The following MBP variants were observed in gnomAD, a reference collection of about 807,000 sequenced individuals.
MBP encodes the protein myelin basic protein.
Under a neutral mutation model 35.8 loss-of-function variants are expected in MBP, and 16 were observed. The ratio of observed to expected loss-of-function variants is 0.45; its 90% confidence interval spans 0.30 to 0.68. The LOEUF is 0.68. MBP is among the 30% of genes least tolerant of loss of function. The pLI, the probability that MBP is intolerant of heterozygous loss-of-function variation, is 0.08. For missense variants in MBP, 380 were observed against 404.7 expected, an observed-to-expected ratio of 0.94 and a Z score of 0.52; for synonymous variants, 143 against 159.6, an observed-to-expected ratio of 0.90 and a Z score of 0.78.
chr18:77,050,284 G>A (rs1440391559), intron 3 of MBP, among the ~76,000 whole-genome samples: 1 of 152,152 alleles, frequency 6.6e-6, no homozygotes, highest in Non-Finnish European at 1.5e-5. Context: ...TGACTGAGGC[G>A]CTTACTGGAG....
At chr18:76,992,535 G>A (rs1969994145) in intron 4 of MBP, among the ~76,000 whole-genome samples, 1 of 152,184 alleles carries the variant, frequency 6.6e-6, no homozygotes, top group East Asian at 1.9e-4. Flanking sequence ...CTCCCCTGCT[G>A]CCTGTGAGGC....
rs56844180 is a variant in MBP, at chr18:77,131,025, CAA to C, written c.-26+1553_-26+1554del. 1.8e-3 allele frequency among the ~76,000 whole-genome samples: 236 copies of C among 130,108 alleles called. 3 individuals carry two copies. Among genetic ancestry groups the C allele is most frequent in the South Asian group, 8.2e-3 (33 of 4,014 alleles). 85.4% of individuals were successfully genotyped at this position (130,108 alleles called of 152,430 possible). A position where few individuals can be genotyped will look rare whatever the true frequency, so the allele number is the denominator to read the frequency against. ...TTCCCTCAGATTTCTGTTTTTCCCACAAAAAAAAAAAAAAAACAAAACCTCAA... is the reference window on the plus strand; with the variant it reads ...TTCCCTCAGATTTCTGTTTTTCCCACAAAAAAAAAAAAAACAAAACCTCAA... On this transcript the variant is annotated intron_variant, in intron 1 of 8. Transcript: ENST00000355994. The surrounding 1 kb of genome is among the most constrained non-coding windows in gnomAD (Gnocchi z 5.5).
At chr18:77,091,783 A>T (rs549758949) in intron 2 of MBP, among the ~76,000 whole-genome samples, 2 of 152,076 alleles carry the variant, frequency 1.3e-5, no homozygotes, top group South Asian at 4.2e-4. Flanking sequence ...CACACCACAC[A>T]CACATCCTCA....
At chr18:77,078,394 A>C (rs1051221442) in intron 2 of MBP, among the ~76,000 whole-genome samples, 14 of 152,196 alleles carry the variant, frequency 9.2e-5, no homozygotes, top group Non-Finnish European at 1.8e-4. Context: ...GAATGAAGGA[A>C]GTTTTTAATA....
chr18:77,029,196 G>C (rs1473726837), intron 3 of MBP, among the ~76,000 whole-genome samples: 2 of 139,870 alleles, frequency 1.4e-5, no homozygotes, highest in Middle Eastern at 3.3e-3. Context: ...ATCACTCGCG[G>C]TTAGGAGCTG....
At chr18:77,059,763 AAG>A (rs1973889582) in intron 3 of MBP, among the ~76,000 whole-genome samples, 1 of 152,168 alleles carries the variant, frequency 6.6e-6, no homozygotes, top group Non-Finnish European at 1.5e-5. Context: ...CAGCACAGAT[AAG>A]AGATGCACCG....
At chr18:77,132,298 C>A (rs1174936102) in intron 1 of MBP, among the ~76,000 whole-genome samples, 1 of 152,174 alleles carries the variant, frequency 6.6e-6, no homozygotes, top group African/African-American at 2.4e-5. Flanking sequence ...CCAGCCCCCG[C>A]GCAATGGGGA....
At chr18:77,098,959 C>A (rs1290307366) in intron 2 of MBP, among the ~76,000 whole-genome samples, 1 of 150,042 alleles carries the variant, frequency 6.7e-6, no homozygotes, top group Admixed American at 6.7e-5. Flanking sequence ...ACTCCTCCTT[C>A]CCCCTCCCTC....
In MBP at chr18:77,098,168, C is replaced by CTTTTTTTTTTTTTTT. The variant is rs3214873; in HGVS notation, c.51+7028_51+7042dup. Among the ~76,000 whole-genome samples the CTTTTTTTTTTTTTTT allele has an allele frequency of 3.0e-3, 322 of 108,480 alleles. 9 individuals carry two copies. Among genetic ancestry groups the CTTTTTTTTTTTTTTT allele is most frequent in the African/African-American group, 6.5e-3 (190 of 29,320 alleles). 71.2% of individuals were successfully genotyped at this position (108,480 alleles called of 152,430 possible). ...TTCTGAGGACAGACACAAGGACTTC[C>CTTTTTTTTTTTTTTT]TTTTTTTTTTTTTTTTTTTTTACAA... On this transcript the variant is annotated intron_variant, in intron 2 of 8. Coordinates refer to ENST00000355994, the MANE Select transcript of MBP (RefSeq NM_001025101.2).
In MBP at chr18:77,013,437, G is replaced by A. The variant is rs1971457697; in HGVS notation, c.576+3395C>T. 6.1e-6 allele frequency: 6 copies of A among 985,092 alleles called. No homozygotes were observed. The African/African-American group carries it at 8.7e-5, about 14-fold the overall frequency. 61.0% of individuals were successfully genotyped at this position (985,092 alleles called of 1,614,324 possible). On this transcript the variant is annotated intron_variant, in intron 4 of 8. Transcript: ENST00000355994. The stretch of plus-strand genomic sequence containing the variant: ...CACAGCTACAGAATTAGGATCTCAT[G>A]GTAACAATGAGGAATTAGGTTACTG...
chr18:77,089,255 C>A (rs908350344), intron 2 of MBP, among the ~76,000 whole-genome samples: 1 of 152,242 alleles, frequency 6.6e-6, no homozygotes, highest in Non-Finnish European at 1.5e-5. Flanking sequence ...CTCCCTCGGG[C>A]TGTGAGTGAC....
At chr18:77,083,081 C>T (rs1017748838) in intron 2 of MBP, among the ~76,000 whole-genome samples, 1 of 151,906 alleles carries the variant, frequency 6.6e-6, no homozygotes, top group African/African-American at 2.4e-5. Flanking sequence ...TTGAACGATT[C>T]TCATGCCTCA....
intron 3 of MBP, among the ~76,000 whole-genome samples, chr18:77,034,967 T>C (rs1972698243): frequency 6.6e-6 from 1 of 152,234 alleles, no homozygotes; most frequent in South Asian, 2.1e-4. Flanking sequence ...CACTGCTCCG[T>C]GGCTAAACTG....
intron 2 of MBP, among the ~76,000 whole-genome samples, chr18:77,066,889 G>T (rs1256787917): frequency 2.0e-5 from 3 of 152,226 alleles, no homozygotes; most frequent in Non-Finnish European, 4.4e-5. Flanking sequence ...GGAGGAAGCG[G>T]CCTGTTGTGG....
intron 3 of MBP, among the ~76,000 whole-genome samples, chr18:77,065,455 G>T (rs901852637): frequency 2.0e-5 from 3 of 152,144 alleles, no homozygotes; most frequent in Non-Finnish European, 4.4e-5. Context: ...AATTTAGGGG[G>T]TTAAGCTTCC....
intron 4 of MBP, chr18:77,014,835 C>A (rs1487350779): frequency 3.0e-6 from 3 of 985,236 alleles, no homozygotes; most frequent in Non-Finnish European, 3.6e-6. Flanking sequence ...CATCAAAGGG[C>A]AAGCCTGTTC....
intron 1 of MBP, among the ~76,000 whole-genome samples, chr18:77,108,051 C>T (rs970011432): frequency 3.9e-5 from 6 of 152,176 alleles, no homozygotes; most frequent in Admixed American, 6.5e-5. Context: ...TGAGACGTGT[C>T]TCAAGGAACT....
At chr18:77,038,951 G>A (rs1258440215) in intron 3 of MBP, among the ~76,000 whole-genome samples, 1 of 152,192 alleles carries the variant, frequency 6.6e-6, no homozygotes, top group Non-Finnish European at 1.5e-5. Flanking sequence ...ACTATGCCTC[G>A]GGGCCAAATC....
At chr18:77,089,428 G>A (rs1176948913) in intron 2 of MBP, among the ~76,000 whole-genome samples, 2 of 152,230 alleles carry the variant, frequency 1.3e-5, no homozygotes, top group Non-Finnish European at 2.9e-5. Context: ...GAAGAGAAGA[G>A]GCAGGGAGAA....
Sources: gnomAD v4.1 joint callset for allele counts (sites outside exome capture counted in the v4.1 genomes callset) on GRCh38, gnomAD v4.1.1 for gene constraint, Gnocchi (gnomAD v3.1) non-coding constraint, MANE v1.5 for transcripts, NCBI Gene and HGNC (gene_info 2026-07-23, HGNC 2026-07-21) for gene names.